The following FER variants were observed in gnomAD, a reference collection of about 807,000 sequenced individuals.
FER encodes FER tyrosine kinase, also known as tyrosine-protein kinase Fer.
Under a neutral mutation model 111.0 loss-of-function variants are expected in FER, and 63 were observed. That is an observed-to-expected ratio of 0.57 (90% CI 0.46 to 0.70). The LOEUF (loss-of-function observed/expected upper bound fraction) is 0.70, where lower values mean the gene tolerates loss of function less well. FER is among the 30% of genes least tolerant of loss of function. The probability of loss-of-function intolerance (pLI) is 0.00; values close to 1 mark genes in which losing one functional copy is unlikely to be tolerated. For missense variants in FER, 914 were observed against 954.0 expected (o/e 0.96, Z 0.55); for synonymous variants, 327 against 313.9 (o/e 1.04, Z -0.44).
intron 15 of FER, among the ~76,000 whole-genome samples, chr5:109,046,502 A>G (rs1405071781): frequency 2.0e-5 from 3 of 152,160 alleles, no homozygotes; most frequent in African/African-American, 7.2e-5. Flanking sequence ...ATGGTTGTTA[A>G]TCATTCAGAG....
chr5:109,124,586 T>C (rs1751423860), intron 17 of FER, among the ~76,000 whole-genome samples: 1 of 109,168 alleles, frequency 9.2e-6, no homozygotes, highest in Non-Finnish European at 1.8e-5. Context: ...TTTTTAATAG[T>C]TTTGTTGTTG....
Position 109,169,378 on chromosome 5 carries a change from TAA to T in FER, c.2049-11366_2049-11365del, listed in dbSNP as rs1156817489. On this transcript the variant is annotated intron_variant, in intron 17 of 19. Coordinates refer to ENST00000281092, the MANE Select transcript of FER (RefSeq NM_005246.4). Reference sequence around the variant, plus strand: ...GTTTCAAGATAAAAATGAATTATTATAAAATAGACCTGTATTCATAACTTAGA... The same window carrying T: ...GTTTCAAGATAAAAATGAATTATTATAATAGACCTGTATTCATAACTTAGA... Among the ~76,000 whole-genome samples the T allele has an allele frequency of 2.0e-5, 3 of 152,160 alleles. No individual in the cohort carries two copies. The South Asian group carries it at 6.2e-4, about 31-fold the overall frequency.
intron 13 of FER, among the ~76,000 whole-genome samples, chr5:108,988,247 T>G (rs1035640745): frequency 8.5e-5 from 13 of 152,098 alleles, no homozygotes; most frequent in Admixed American, 7.9e-4. Flanking sequence ...TGGTCTGTAG[T>G]TTTTCTTTTT....
At chr5:109,037,613 A>G in intron 14 of FER, 135 bp downstream of exon 14, 1 of 594,656 alleles carries the variant, frequency 1.7e-6, no homozygotes, top group South Asian at 2.4e-5. Context: ...ACAATGCTAT[A>G]TCTTCTCAAT....
rs1759271064 is a variant in FER at position 109,190,102 on chromosome 5, G to T, written c.*2527G>T. The stretch of plus-strand genomic sequence containing the variant: ...ACAGTTTTTCACTGTTAATTTTGTT[G>T]TGCTTGAAGCATAATTTATTCATCC... On this transcript the variant is annotated 3_prime_UTR_variant, in exon 20 of 20. Transcript: ENST00000281092. 1 of 152,026 alleles carries T rather than the reference G, an allele frequency of 6.6e-6. No individual in the cohort carries two copies. The highest frequency in any genetic ancestry group is 2.4e-5 in the African/African-American group (1 of 41,404). 9.4% of individuals were successfully genotyped at this position (152,026 alleles called of 1,614,324 possible). A position where few individuals can be genotyped will look rare whatever the true frequency, so the allele number is the denominator to read the frequency against.
intron 11 of FER, among the ~76,000 whole-genome samples, chr5:108,946,651 A>T (rs1377596654): frequency 2.0e-5 from 3 of 151,998 alleles, no homozygotes; most frequent in African/African-American, 4.8e-5. Flanking sequence ...GAACATTTTG[A>T]TTATAAAATT....
intron 14 of FER, among the ~76,000 whole-genome samples, chr5:109,039,974 C>T (rs1257678359): frequency 6.6e-6 from 1 of 152,064 alleles, no homozygotes; most frequent in Non-Finnish European, 1.5e-5. Flanking sequence ...AAGATGATAG[C>T]AGTGGTGGTG....
At chr5:109,013,894 C>G (rs1329784801) in intron 13 of FER, among the ~76,000 whole-genome samples, 3 of 152,000 alleles carry the variant, frequency 2.0e-5, no homozygotes, top group Non-Finnish European at 2.9e-5. Flanking sequence ...TGAGAAATGT[C>G]TGTTCATGTC....
intron 17 of FER, among the ~76,000 whole-genome samples, chr5:109,144,491 A>T (rs1291426104): frequency 6.6e-6 from 1 of 152,152 alleles, no homozygotes; most frequent in Non-Finnish European, 1.5e-5. Flanking sequence ...ATTTACCTAG[A>T]TGGCCTTTTC....
chr5:109,048,149 T>C (rs1772263117), intron 16 of FER, among the ~76,000 whole-genome samples: 2 of 152,126 alleles, frequency 1.3e-5, no homozygotes, highest in Non-Finnish European at 2.9e-5. Context: ...AAACATAATA[T>C]TGTAGACTGC....
At chr5:109,058,498 A>G (rs918386863) in intron 16 of FER, among the ~76,000 whole-genome samples, 2 of 150,848 alleles carry the variant, frequency 1.3e-5, no homozygotes, top group Non-Finnish European at 1.5e-5. Context: ...TTAATTCTAC[A>G]AAACTTAAAA....
intron 8 of FER, among the ~76,000 whole-genome samples, chr5:108,878,690 C>T (rs1460903339): frequency 6.6e-6 from 1 of 152,002 alleles, no homozygotes; most frequent in Non-Finnish European, 1.5e-5. Flanking sequence ...TCTATACAAA[C>T]TTACAAATAC....
chr5:109,015,093 TG>T (rs1281618805), intron 13 of FER, among the ~76,000 whole-genome samples: 1 of 152,114 alleles, frequency 6.6e-6, no homozygotes, highest in Non-Finnish European at 1.5e-5. Flanking sequence ...AAGTTGTTTT[TG>T]TGTTTGACAG....
At chr5:108,780,853 T>G (rs1753991431) in intron 2 of FER, among the ~76,000 whole-genome samples, 1 of 151,926 alleles carries the variant, frequency 6.6e-6, no homozygotes, top group Admixed American at 6.6e-5. Context: ...CTTTGTAGTT[T>G]TTTTTTTTAG....
chr5:108,886,065 T>C (rs1238313528), intron 9 of FER, among the ~76,000 whole-genome samples: 1 of 151,926 alleles, frequency 6.6e-6, no homozygotes, highest in African/African-American at 2.4e-5. Context: ...GACTCCTATT[T>C]TAAAATTTAG....
chr5:109,155,580 T>C (rs1338830181), intron 17 of FER, among the ~76,000 whole-genome samples: 1 of 151,920 alleles, frequency 6.6e-6, no homozygotes, highest in South Asian at 2.1e-4. Flanking sequence ...AAACTGTTGA[T>C]AGTGATCTCA....
At chr5:108,883,272 T>C (rs537537481) in intron 8 of FER, 124 bp from the exon 9 acceptor site, 2 of 892,952 alleles carry the variant, frequency 2.2e-6, no homozygotes, top group African/African-American at 3.5e-5. Context: ...TTATTTTAGT[T>C]TGAATCAGAT....
intron 13 of FER, among the ~76,000 whole-genome samples, chr5:108,960,148 T>G (rs1461027184): frequency 1.3e-5 from 2 of 152,286 alleles, no homozygotes; most frequent in African/African-American, 4.8e-5. Flanking sequence ...TTGATATGAC[T>G]TTTATACATT....
At chr5:108,994,290 G>A (rs968435426) in intron 13 of FER, among the ~76,000 whole-genome samples, 2 of 152,256 alleles carry the variant, frequency 1.3e-5, no homozygotes, top group East Asian at 3.9e-4. Context: ...TTTTGTATAA[G>A]GTATAAGGAA....
Sources: allele counts gnomAD v4.1 joint callset (sites outside exome capture counted in the v4.1 genomes callset), GRCh38; gene constraint gnomAD v4.1.1; transcripts MANE v1.5; gene names NCBI Gene and HGNC (gene_info 2026-07-23, HGNC 2026-07-21).